Variants in BCAS3 observed in about 807,000 individuals in gnomAD.
BCAS3 encodes the protein BCAS3 microtubule associated cell migration factor, also known as BCAS4/BCAS3 fusion.
BCAS3 carries 53 observed loss-of-function variants against 116.1 expected under a neutral mutation model. That is an observed-to-expected ratio of 0.46 (90% confidence interval 0.37 to 0.57). The LOEUF (loss-of-function observed/expected upper bound fraction) is 0.57, where lower values mean the gene tolerates loss of function less well. Among genes scored for constraint, BCAS3 ranks in the 20% least tolerant of loss-of-function variants. The probability of loss-of-function intolerance (pLI) is 0.00; values close to 1 mark genes in which losing one functional copy is unlikely to be tolerated. For missense variants in BCAS3, 917 were observed against 1,165.4 expected (o/e 0.79, Z 3.10); for synonymous variants, 391 against 408.2 (o/e 0.96, Z 0.51).
intron 22 of BCAS3, among the ~76,000 whole-genome samples, chr17:61,207,912 CTTA>C (rs2081239243): frequency 6.6e-6 from 1 of 152,022 alleles, no homozygotes; most frequent in Admixed American, 6.6e-5. Flanking sequence ...TTGCTGAGAT[CTTA>C]TTAGTAACAT....
chr17:61,080,091 G>C (rs1480932611), intron 21 of BCAS3, among the ~76,000 whole-genome samples: 2 of 151,300 alleles, frequency 1.3e-5, no homozygotes, highest in African/African-American at 4.9e-5. Context: ...TTTTAGTAGA[G>C]ATGGAGTTTC....
chr17:61,291,196 G>A (rs192696291), intron 22 of BCAS3, among the ~76,000 whole-genome samples: 5 of 152,294 alleles, frequency 3.3e-5, no homozygotes, highest in Non-Finnish European at 5.9e-5. Flanking sequence ...TACTTTGCTA[G>A]CTATTGGTGA....
At position 61,344,901 on chromosome 17, in the gene BCAS3, T is replaced by C. The variant is rs1004070461; in HGVS notation, c.2426-23426T>C. 2.0e-5 allele frequency among the ~76,000 whole-genome samples: 3 copies of C among 151,738 alleles called. No individual in the cohort carries two copies. Among genetic ancestry groups the C allele is most frequent in the Non-Finnish European group, 4.4e-5 (3 of 67,934 alleles). On this transcript the variant is annotated intron_variant, in intron 22 of 23. Coordinates refer to ENST00000407086, the MANE Select transcript of BCAS3 (RefSeq NM_017679.5). This position sits in a 1 kb window ranked among gnomAD's most constrained non-coding sequence, Gnocchi z 4.1. Reference sequence around the variant, plus strand: ...GCCACCATGGACAGGTATTTTATGATTCCTGGATCGGAAATACACACACAC... The same window carrying C: ...GCCACCATGGACAGGTATTTTATGACTCCTGGATCGGAAATACACACACAC...
chr17:61,225,186 G>C (rs1027113587), intron 22 of BCAS3, among the ~76,000 whole-genome samples: 3 of 137,358 alleles, frequency 2.2e-5, no homozygotes, highest in Admixed American at 7.5e-5. Flanking sequence ...AAAGAAATAA[G>C]ACTCATCTCT....
chr17:61,148,786 G>T (rs1385913757), intron 22 of BCAS3, among the ~76,000 whole-genome samples: 2 of 152,132 alleles, frequency 1.3e-5, no homozygotes, highest in Non-Finnish European at 2.9e-5. Context: ...TTGTTATTGC[G>T]CTTCCTCATC....
intron 16 of BCAS3, chr17:61,016,870 G>A (rs2065492694): frequency 6.6e-6 from 1 of 152,172 alleles, no homozygotes; most frequent in African/African-American, 2.4e-5. Context: ...TTTGTGAGAA[G>A]AAATACTCAG....
At chr17:60,702,198 C>T (rs1009319112) in intron 4 of BCAS3, among the ~76,000 whole-genome samples, 1 of 152,226 alleles carries the variant, frequency 6.6e-6, no homozygotes, top group Non-Finnish European at 1.5e-5. Context: ...ACCTGTAGTA[C>T]ATACTGTACT....
At chr17:60,758,728 G>C (rs1296261370) in intron 6 of BCAS3, among the ~76,000 whole-genome samples, 2 of 151,960 alleles carry the variant, frequency 1.3e-5, no homozygotes, top group African/African-American at 2.4e-5. Context: ...TTATTTGAAA[G>C]TTTTCTACTT....
chr17:60,742,849 C>G (rs1202020125), intron 5 of BCAS3, among the ~76,000 whole-genome samples: 1 of 151,954 alleles, frequency 6.6e-6, no homozygotes, highest in Non-Finnish European at 1.5e-5. Context: ...CACGGTGGCT[C>G]ACGCCTGTAA....
At position 61,180,691 on chromosome 17, in the gene BCAS3, A is replaced by C. The variant is rs1419076122; in HGVS notation, c.2425+96127A>C. 2.6e-5 allele frequency among the ~76,000 whole-genome samples: 4 copies of C among 152,250 alleles called. No homozygotes were observed. The highest frequency in any genetic ancestry group is 2.0e-4 in the Admixed American group (3 of 15,286). ...TCAGTCCCATGCTTCGTGTCTGCAC[A>C]GTGGAACATAAAGCAGCAGCTTAGA... On this transcript the variant is annotated intron_variant, in intron 22 of 23. Coordinates refer to ENST00000407086, the MANE Select transcript of BCAS3 (RefSeq NM_017679.5). The surrounding 1 kb of genome is among the most constrained non-coding windows in gnomAD (Gnocchi z 6.0).
chr17:60,922,994 C>G (rs1464239816), intron 12 of BCAS3, among the ~76,000 whole-genome samples: 2 of 151,874 alleles, frequency 1.3e-5, no homozygotes, highest in Admixed American at 6.6e-5. Flanking sequence ...AAGAAAATGG[C>G]CTGAAATTAA....
intron 5 of BCAS3, among the ~76,000 whole-genome samples, chr17:60,717,222 T>C (rs113785184): frequency 2.6e-5 from 4 of 151,476 alleles, no homozygotes; most frequent in African/African-American, 9.7e-5. Context: ...TTCTTCTTTT[T>C]TTTTTTTTTG....
intron 12 of BCAS3, among the ~76,000 whole-genome samples, chr17:60,911,481 T>C (rs1381372964): frequency 6.6e-6 from 1 of 152,136 alleles, no homozygotes; most frequent in East Asian, 1.9e-4. Flanking sequence ...TATTTTTTAG[T>C]AGAGTTGAGT....
intron 6 of BCAS3, among the ~76,000 whole-genome samples, chr17:60,802,265 C>T (rs964091975): frequency 3.0e-5 from 4 of 135,112 alleles, no homozygotes; most frequent in African/African-American, 1.2e-4. Flanking sequence ...GCCTGTGCAA[C>T]AGAGTGAGAC....
intron 22 of BCAS3, among the ~76,000 whole-genome samples, chr17:61,234,460 A>C (rs972551133): frequency 3.9e-5 from 6 of 152,232 alleles, no homozygotes. Context: ...TATAGGATTA[A>C]ATTCTGAGCC....
intron 14 of BCAS3, 88 bp downstream of exon 14, chr17:60,947,440 T>C (rs2060567888): frequency 2.3e-6 from 3 of 1,329,886 alleles, no homozygotes; most frequent in Admixed American, 4.3e-5. Flanking sequence ...TGCAGCTTAA[T>C]GTTGATGTTT....
intron 22 of BCAS3, among the ~76,000 whole-genome samples, chr17:61,153,930 T>C (rs1349514853): frequency 6.6e-6 from 1 of 152,236 alleles, no homozygotes; most frequent in Non-Finnish European, 1.5e-5. Context: ...GAATAATTCA[T>C]GTTCTGACAC....
chr17:60,858,575 T>C (rs1043065918), intron 7 of BCAS3, among the ~76,000 whole-genome samples: 1 of 152,200 alleles, frequency 6.6e-6, no homozygotes, highest in South Asian at 2.1e-4. Flanking sequence ...TGATGGACAT[T>C]TAATTGTTTC....
At chr17:60,689,902 C>T (rs912344749) in intron 4 of BCAS3, 141 bp downstream of exon 4, 13 of 593,886 alleles carry the variant, frequency 2.2e-5, no homozygotes, top group Non-Finnish European at 3.0e-5. Flanking sequence ...GTAGCATAAC[C>T]GCAGTACAGA....
Sources: gnomAD v4.1 joint callset for allele counts (sites outside exome capture counted in the v4.1 genomes callset) on GRCh38, gnomAD v4.1.1 for gene constraint, Gnocchi (gnomAD v3.1) non-coding constraint, MANE v1.5 for transcripts, NCBI Gene and HGNC (gene_info 2026-07-23, HGNC 2026-07-21) for gene names.